Variants in HEXB observed in about 807,000 individuals in gnomAD.
The protein encoded by HEXB is hexosaminidase subunit beta, also known as beta-hexosaminidase subunit beta.
HEXB carries 51 observed loss-of-function variants against 71.2 expected under a neutral mutation model. That is an observed-to-expected ratio of 0.72 (90% CI 0.57 to 0.90). The LOEUF (loss-of-function observed/expected upper bound fraction) is 0.90. Among genes scored for constraint, HEXB ranks in the 40% least tolerant of loss-of-function variants. HEXB has a pLI of 0.00. For synonymous variants in HEXB, 266 were observed against 249.3 expected (o/e 1.07, Z -0.63); for missense variants, 617 against 677.0 (o/e 0.91, Z 0.98).
At chr5:74,696,068 T>C (rs1039439919) in intron 3 of HEXB, among the ~76,000 whole-genome samples, 2 of 152,206 alleles carry the variant, frequency 1.3e-5, no homozygotes, top group African/African-American at 4.8e-5. Context: ...CAAAGATGAC[T>C]GAACTGTTCT....
At chr5:74,696,875 A>G in intron 4 of HEXB, 121 bp from the exon 5 acceptor site, 2 of 767,014 alleles carry the variant, frequency 2.6e-6, no homozygotes, top group Non-Finnish European at 4.5e-6. Context: ...TGTAAATTTC[A>G]TACATTTTTG....
intron 11 of HEXB, among the ~76,000 whole-genome samples, chr5:74,719,451 G>C (rs1749761169): frequency 6.6e-6 from 1 of 152,094 alleles, no homozygotes; most frequent in Admixed American, 6.5e-5. Context: ...TCTGAAGGGT[G>C]GAGCTTCAGG....
intron 1 of HEXB, among the ~76,000 whole-genome samples, chr5:74,676,875 GT>G (rs760940479): frequency 9.9e-5 from 15 of 151,940 alleles, no homozygotes; most frequent in Non-Finnish European, 2.2e-4. Flanking sequence ...TTGTTCTCTG[GT>G]TTTTTGTTTG....
At position 74,660,590 on chromosome 5, in the gene HEXB, A is replaced by T. The variant is rs148580762; in HGVS notation, c.-377+20032A>T. 2.0e-3 allele frequency among the ~76,000 whole-genome samples: 303 copies of T among 152,304 alleles called. 3 individuals carry two copies. Among genetic ancestry groups the T allele is most frequent in the Admixed American group, 8.3e-3 (127 of 15,302 alleles). Reference sequence around the variant, plus strand: ...ATGGAGCCATCAGCTCCCACTCCAGATGCTCCCAATCCCAGTCAATGAGAA... The same window carrying T: ...ATGGAGCCATCAGCTCCCACTCCAGTTGCTCCCAATCCCAGTCAATGAGAA... On this transcript the variant is annotated intron_variant, in intron 1 of 13. Coordinates refer to the HEXB transcript ENST00000511181.
intron 6 of HEXB, chr5:74,706,105 G>A (rs1318554004): frequency 6.6e-6 from 1 of 152,236 alleles, no homozygotes; most frequent in African/African-American, 2.4e-5. Context: ...CATCATGCCA[G>A]TTCAAACATG....
chr5:74,677,859 C>T (rs567683447), intron 1 of HEXB, among the ~76,000 whole-genome samples: 1 of 152,076 alleles, frequency 6.6e-6, no homozygotes, highest in Non-Finnish European at 1.5e-5. Flanking sequence ...CTTTCCCACC[C>T]TCCCCTTTCT....
chr5:74,669,518 A>C (rs1561207709), intron 1 of HEXB, among the ~76,000 whole-genome samples: 2 of 152,166 alleles, frequency 1.3e-5, no homozygotes, highest in African/African-American at 4.8e-5. Flanking sequence ...TTTGCTATTT[A>C]TTGAAAATCC....
chr5:74,672,831 G>C (rs1340365071), intron 1 of HEXB, among the ~76,000 whole-genome samples: 1 of 152,224 alleles, frequency 6.6e-6, no homozygotes, highest in East Asian at 1.9e-4. Context: ...ATCGTAGAGA[G>C]TGGAAGGAAG....
intron 6 of HEXB, among the ~76,000 whole-genome samples, chr5:74,711,605 C>G (rs935488453): frequency 1.3e-5 from 2 of 152,162 alleles, no homozygotes; most frequent in South Asian, 4.1e-4. Context: ...CAAACAACCC[C>G]ATCAAAAAGT....
intron 1 of HEXB, among the ~76,000 whole-genome samples, chr5:74,651,356 T>C (rs1177946532): frequency 6.6e-6 from 1 of 152,232 alleles, no homozygotes; most frequent in Non-Finnish European, 1.5e-5. Context: ...ATTTATAGCA[T>C]GAATAAATTT....
chr5:74,697,771 C>A (rs1749148090), intron 5 of HEXB, among the ~76,000 whole-genome samples: 1 of 148,226 alleles, frequency 6.7e-6, no homozygotes. Flanking sequence ...CCACACCATA[C>A]TTCTAGTTAG....
At chr5:74,699,254 A>T (rs989687832) in intron 5 of HEXB, among the ~76,000 whole-genome samples, 1 of 151,884 alleles carries the variant, frequency 6.6e-6, no homozygotes, top group African/African-American at 2.4e-5. Context: ...ATGAGACTGT[A>T]CTTTTGCTAC....
intron 1 of HEXB, among the ~76,000 whole-genome samples, chr5:74,666,447 G>T (rs1192825102): frequency 1.3e-5 from 2 of 152,206 alleles, no homozygotes; most frequent in Admixed American, 1.3e-4. Context: ...TTGGAGGCCT[G>T]GTTGTCATTG....
chr5:74,718,260 T>C (rs1251802743), intron 9 of HEXB, 31 bp from the exon 10 acceptor site: 4 of 1,329,990 alleles, frequency 3.0e-6, no homozygotes, highest in Non-Finnish European at 4.3e-6. Context: ...GCTTATGATC[T>C]AAAATAACTA....
chr5:74,680,099 C>T (rs976101704), intron 1 of HEXB, among the ~76,000 whole-genome samples: 2 of 152,180 alleles, frequency 1.3e-5, no homozygotes, highest in African/African-American at 4.8e-5. Flanking sequence ...GGAACCAACA[C>T]AGTCTTTAAC....
chr5:74,716,708 C>A (rs773384441), intron 9 of HEXB, 35 bp downstream of exon 9: 2 of 1,297,820 alleles, frequency 1.5e-6, no homozygotes, highest in Non-Finnish European at 2.2e-6. Flanking sequence ...TGTATTAATG[C>A]TTTTTGTAAA....
At chr5:74,696,633 A>T (rs1024197034) in intron 3 of HEXB, 60 bp from the exon 4 acceptor site, 9 of 902,226 alleles carry the variant, frequency 1.0e-5, no homozygotes, top group Admixed American at 1.8e-5. Context: ...GAATAATATA[A>T]CTTTTATCAT....
chr5:74,704,121 G>T (rs978792124), intron 5 of HEXB, among the ~76,000 whole-genome samples: 1 of 152,182 alleles, frequency 6.6e-6, no homozygotes, highest in Non-Finnish European at 1.5e-5. Context: ...TATGTAAAAT[G>T]TTTACCAACC....
intron 1 of HEXB, among the ~76,000 whole-genome samples, chr5:74,677,472 A>ATTTCTTT (rs908023404): frequency 3.9e-5 from 5 of 127,722 alleles, no homozygotes; most frequent in Admixed American, 1.6e-4. Flanking sequence ...AACAGTTTGC[A>ATTTCTTT]TTTCTTTTCT....
Sources: allele counts gnomAD v4.1 joint callset (sites outside exome capture counted in the v4.1 genomes callset), GRCh38; gene constraint gnomAD v4.1.1; transcripts MANE v1.5; gene names NCBI Gene and HGNC (gene_info 2026-07-23, HGNC 2026-07-21).